FYB1: variants seen among roughly 807,000 people sequenced by gnomAD.
FYB1 encodes the protein FYN binding protein 1.
FYB1 carries 41 observed loss-of-function variants against 94.1 expected under a neutral mutation model. The observed-to-expected ratio is 0.44, with a 90% CI of 0.34 to 0.57. FYB1 has a LOEUF of 0.57. Ranked by LOEUF, FYB1 falls within the 20% of genes least tolerant of loss-of-function variation. The probability of loss-of-function intolerance (pLI) is 0.02; values close to 1 mark genes in which losing one functional copy is unlikely to be tolerated. For missense variants in FYB1, 1,050 were observed against 976.8 expected, an observed-to-expected ratio of 1.07 and a Z score of -1.00; for synonymous variants, 367 against 353.2, an observed-to-expected ratio of 1.04 and a Z score of -0.44.
upstream of FYB1, among the ~76,000 whole-genome samples, chr5:39,222,102 A>G (rs187377289): frequency 1.3e-5 from 2 of 152,328 alleles, no homozygotes; most frequent in East Asian, 3.9e-4. Flanking sequence ...CATGGAATGT[A>G]CTGCCCCCTC....
At chr5:39,273,570 G>A (rs1036019910) in intron 1 of FYB1, among the ~76,000 whole-genome samples, 1 of 152,192 alleles carries the variant, frequency 6.6e-6, no homozygotes, top group Non-Finnish European at 1.5e-5. Context: ...CTATGTTTTC[G>A]CAGTATGGGC....
intron 2 of FYB1, among the ~76,000 whole-genome samples, chr5:39,196,875 C>G (rs1365527561): frequency 6.6e-6 from 1 of 152,190 alleles, no homozygotes; most frequent in African/African-American, 2.4e-5. Context: ...CCTCTCTGAG[C>G]TTTAGTTTAC....
chr5:39,130,696 T>C lies in FYB1; in HGVS notation c.1818-84A>G, dbSNP rs1741114696. On this transcript the variant is annotated intron_variant, in intron 9 of 18. Transcript: ENST00000512982. ...AGAAGTACATATCCTGATTAGTTATTCAAAAGAGAAATAACATTCCAGTCG... is the reference window on the plus strand; with the variant it reads ...AGAAGTACATATCCTGATTAGTTATCCAAAAGAGAAATAACATTCCAGTCG... 6 of 1,071,382 alleles carry C rather than the reference T, an allele frequency of 5.6e-6. No individual in the cohort carries two copies. The African/African-American group carries it at 9.5e-5, about 17-fold the overall frequency. The allele number at this position is 1,071,382 out of a possible 1,614,324, so 66.4% of individuals were successfully genotyped here.
chr5:39,210,409 CTG>C (rs1749256967), intron 1 of FYB1, among the ~76,000 whole-genome samples: 1 of 152,216 alleles, frequency 6.6e-6, no homozygotes, highest in Non-Finnish European at 1.5e-5. Context: ...CCTGTTTCTA[CTG>C]TGTTCTCTCT....
chr5:39,123,966 TGGGGGATATA>T (rs1338399462), intron 13 of FYB1, among the ~76,000 whole-genome samples: 1 of 152,146 alleles, frequency 6.6e-6, no homozygotes, highest in Non-Finnish European at 1.5e-5. Context: ...GAATTGAGGC[TGGGGGATATA>T]GGGAAAATTG....
intron 1 of FYB1, among the ~76,000 whole-genome samples, chr5:39,203,767 C>A (rs1423950388): frequency 2.0e-5 from 3 of 152,128 alleles, no homozygotes; most frequent in African/African-American, 7.2e-5. Context: ...CCAGACCTTT[C>A]TTTCCACAGT....
At chr5:39,110,278 A>C in intron 17 of FYB1, 78 bp downstream of exon 17, 1 of 799,930 alleles carries the variant, frequency 1.3e-6, no homozygotes. Flanking sequence ...ACATTATTTA[A>C]GTAATATTAT....
rs10658182 is a variant in FYB1, at chr5:39,267,358, T to TATCATCATCATC, written c.-28+7033_-28+7044dup. 9.6e-4 allele frequency among the ~76,000 whole-genome samples: 139 copies of TATCATCATCATC among 145,318 alleles called. 1 individual carries two copies. The Middle Eastern group carries it at 0.014, about 15-fold the overall frequency. ...CTCCACAACAATCCTGTGGGATAGC[T>TATCATCATCATC]ATCATCATCATCATCATCATCATCA... is the stretch of plus-strand genomic sequence containing the variant. On this transcript the variant is annotated intron_variant, in intron 1 of 1. Transcript: ENST00000510188.
In FYB1 at chr5:39,126,151, G is replaced by A. The variant is rs1462704351; in HGVS notation, c.1908-16C>T. On this transcript the variant is annotated splice_polypyrimidine_tract_variant and intron_variant, in intron 11 of 18. Coordinates refer to ENST00000512982, the MANE Select transcript of FYB1 (RefSeq NM_001465.6). ...TAGTGTGGAGCTTTGGAGCATGCAG[G>A]CATTGATCAGAATGTAATAATCAGC... is the stretch of plus-strand genomic sequence containing the variant. 5.0e-6 allele frequency: 8 copies of A among 1,611,388 alleles called. No homozygotes were observed. The highest frequency in any genetic ancestry group is 4.0e-5 in the African/African-American group (3 of 74,762).
chr5:39,137,698 T>C lies in FYB1; in HGVS notation c.1417A>G (p.Lys473Glu). The C allele has an allele frequency of 6.5e-7, 1 of 1,549,762 alleles. No individual in the cohort carries two copies. Among genetic ancestry groups the C allele is most frequent in the Middle Eastern group, 1.7e-4 (1 of 5,988 alleles). ...TTCTTTTCTTCCTTTTCCCTTTTCT[T>C]CTCTCTTTCTTTGGATGCTTCTCTG... is the stretch of plus-strand genomic sequence containing the variant. ...EDIEASKEREKKREKEEKKRL... is the reference protein window; with the variant it reads ...EDIEASKEREEKREKEEKKRL... Residue 473 changes from lysine to glutamate, a missense_variant, in exon 7 of 19, where the codon AAG (lysine) becomes GAG (glutamate). By Grantham distance (56) the Lys-to-Glu change is moderately conservative (BLOSUM62 1). Coordinates refer to ENST00000512982, the MANE Select transcript of FYB1 (RefSeq NM_001465.6).
At chr5:39,167,534 T>C (rs1744849647) in intron 2 of FYB1, among the ~76,000 whole-genome samples, 1 of 152,234 alleles carries the variant, frequency 6.6e-6, no homozygotes, top group African/African-American at 2.4e-5. Flanking sequence ...TGCTGAATAT[T>C]GTGCTGCCTA....
rs1748360486 is a variant in FYB1 at position 39,201,960 on chromosome 5, T to A, written c.1001A>T (p.Lys334Met). ...GPWGQSQEKE[K>M]GDKNSATPKQ... is the part of the protein sequence containing the mutation. ...CGGGGTGGCTGAATTCTTGTCTCCC[T>A]TTTCCTTTTCCTGACTTTGGCCCCA... The change falls in exon 2 of 19, where the codon AAG (lysine) becomes ATG (methionine). Residue 334 changes from lysine (K) to methionine (M), a missense_variant. Transcript: ENST00000512982. 1 of 1,613,982 alleles carries A rather than the reference T, an allele frequency of 6.2e-7. No homozygotes were observed. The highest frequency in any genetic ancestry group is 8.5e-7 in the Non-Finnish European group (1 of 1,179,860).
In FYB1 at chr5:39,127,739, AC is replaced by A; in HGVS notation, c.1907+1del. The A allele has an allele frequency of 6.3e-7, 1 of 1,599,798 alleles. No individual in the cohort carries two copies. On this transcript the variant is annotated splice_donor_variant, in intron 11 of 18. Transcript: ENST00000512982. LOFTEE classifies it high-confidence loss of function. ...AAAAAGCAGTTCACTGATTATTCTT[AC>A]CCATCATCAGCATCTTCCTCTTCAA...
chr5:39,240,770 C>T (rs905882159), intron 1 of FYB1, among the ~76,000 whole-genome samples: 20 of 152,154 alleles, frequency 1.3e-4, no homozygotes, highest in African/African-American at 4.6e-4. Context: ...GGCAATTTCT[C>T]AAAGAACTTA....
chr5:39,197,469 G>C lies in FYB1; in HGVS notation c.1135+4357C>G, dbSNP rs1442955224. Among the ~76,000 whole-genome samples, 4 of 152,066 alleles carry C rather than the reference G, an allele frequency of 2.6e-5. No homozygotes were observed. In the East Asian group the frequency reaches 7.7e-4, roughly 29 times the overall value. The stretch of plus-strand genomic sequence containing the variant: ...AAACTCCAATCTCAAAAAATTTTAG[G>C]GTCTGTAGCAGCACACTAAGAAGCA... On this transcript the variant is annotated intron_variant, in intron 2 of 18. Transcript: ENST00000512982.
chr5:39,231,156 A>AC (rs1750721209), intron 1 of FYB1, among the ~76,000 whole-genome samples: 2 of 118,026 alleles, frequency 1.7e-5, no homozygotes, highest in Admixed American at 8.1e-5. Context: ...GCAAAAAAAA[A>AC]AAAAACAAAA....
In FYB1 at chr5:39,174,155, G is replaced by C. The variant is rs1745496157; in HGVS notation, c.1136-20551C>G. Among the ~76,000 whole-genome samples, 4 of 152,084 alleles carry C rather than the reference G, an allele frequency of 2.6e-5. No homozygotes were observed. In the South Asian group the frequency reaches 8.3e-4, roughly 32 times the overall value. Reference sequence around the variant, plus strand: ...GTGTTTTGTGGTTCTCCTTGAAGAGGTCTTTGACTTCCTTGGTTAGATGAA... The same window carrying C: ...GTGTTTTGTGGTTCTCCTTGAAGAGCTCTTTGACTTCCTTGGTTAGATGAA... On this transcript the variant is annotated intron_variant, in intron 2 of 18. Coordinates refer to ENST00000512982, the MANE Select transcript of FYB1 (RefSeq NM_001465.6).
At chr5:39,256,321 C>CT (rs1030956797) in intron 1 of FYB1, among the ~76,000 whole-genome samples, 3 of 152,084 alleles carry the variant, frequency 2.0e-5, no homozygotes, top group Non-Finnish European at 4.4e-5. Context: ...CCCTCCCCAC[C>CT]TTTTTTTGGT....
chr5:39,242,749 C>G (rs1000674620), intron 1 of FYB1, among the ~76,000 whole-genome samples: 6 of 152,260 alleles, frequency 3.9e-5, no homozygotes, highest in African/African-American at 1.4e-4. Flanking sequence ...AGTTTACAGT[C>G]CCACCAACAG....
Sources: allele counts gnomAD v4.1 joint callset (sites outside exome capture counted in the v4.1 genomes callset), GRCh38; gene constraint gnomAD v4.1.1; transcripts MANE v1.5; gene names NCBI Gene and HGNC (gene_info 2026-07-23, HGNC 2026-07-21).